The following SPATA31H1 variants were observed in gnomAD, a reference collection of about 807,000 sequenced individuals.
SPATA31H1 encodes spermatogenesis-associated protein 31H1.
the SPATA31H1 span, among the ~76,000 whole-genome samples, chr2:27,539,738 G>A: frequency 3.1e-5 from 2 of 64,990 alleles, no homozygotes; most frequent in Non-Finnish European, 2.7e-5. Flanking sequence ...GGCTGGCCGG[G>A]CGGGGGGCTG....
At chr2:27,566,614 A>G in the SPATA31H1 span, 1 of 581,652 alleles carries the variant, frequency 1.7e-6, no homozygotes, top group Non-Finnish European at 3.1e-6. Context: ...GATGTTGGGG[A>G]AAGAAACTTT....
the SPATA31H1 span, chr2:27,565,324 T>C: frequency 4.2e-6 from 3 of 716,358 alleles, no homozygotes; most frequent in East Asian, 8.1e-5. Context: ...TTTTTCTTTT[T>C]GTGCTTCTCT....
At chr2:27,574,589 T>C in the SPATA31H1 span, 2 of 398,452 alleles carry the variant, frequency 5.0e-6, no homozygotes, top group African/African-American at 4.1e-5. Context: ...GGCTTCAAAG[T>C]ATGAAATCAA....
the SPATA31H1 span, chr2:27,577,778 T>C: frequency 7.4e-6 from 12 of 1,614,160 alleles, no homozygotes; most frequent in Non-Finnish European, 9.3e-6. The surrounding 1 kb of genome is among the most constrained non-coding windows in gnomAD (Gnocchi z 4.5). Flanking sequence ...TCCCAGAATC[T>C]GTAAATCTGA....
chr2:27,549,152 C>T, the SPATA31H1 span, among the ~76,000 whole-genome samples: 88 of 151,140 alleles, frequency 5.8e-4, no homozygotes, highest in South Asian at 2.1e-3. Flanking sequence ...ATTAAATGTC[C>T]GTATTGTCAT....
the SPATA31H1 span, chr2:27,578,065 C>T: frequency 6.2e-7 from 1 of 1,614,142 alleles, no homozygotes; most frequent in Non-Finnish European, 8.5e-7. Flanking sequence ...GTTGCTCAAT[C>T]TGAAGAGGTA....
At chr2:27,565,345 G>A in the SPATA31H1 span, 2 of 717,128 alleles carry the variant, frequency 2.8e-6, no homozygotes, top group Admixed American at 2.0e-5. Flanking sequence ...AGACTTCAAA[G>A]CAGCATAGAT....
the SPATA31H1 span, among the ~76,000 whole-genome samples, chr2:27,544,282 A>T: frequency 6.6e-6 from 1 of 151,984 alleles, no homozygotes; most frequent in African/African-American, 2.4e-5. Flanking sequence ...AAATTTATAT[A>T]CCCATGTAAC....
the SPATA31H1 span, chr2:27,568,228 C>T: frequency 2.5e-6 from 1 of 398,986 alleles, no homozygotes; most frequent in Non-Finnish European, 4.4e-6. Context: ...AAAATGAACA[C>T]ATTGTTGAAC....
the SPATA31H1 span, among the ~76,000 whole-genome samples, chr2:27,554,153 G>A: frequency 6.6e-6 from 1 of 151,950 alleles, no homozygotes; most frequent in African/African-American, 2.4e-5. Flanking sequence ...TGATTACTTA[G>A]ATATTCTCTA....
chr2:27,580,435 A>G, the SPATA31H1 span: 1 of 1,614,184 alleles, frequency 6.2e-7, no homozygotes, highest in South Asian at 1.1e-5. Context: ...GATTCAAAAT[A>G]TCCAATGAAG....
chr2:27,579,131 C>T, the SPATA31H1 span: 2 of 1,614,138 alleles, frequency 1.2e-6, no homozygotes, highest in East Asian at 2.2e-5. Context: ...CTAGGACATT[C>T]CAGGCAGAAT....
chr2:27,580,138 T>C, the SPATA31H1 span: 8 of 1,614,080 alleles, frequency 5.0e-6, no homozygotes, highest in East Asian at 6.7e-5. Flanking sequence ...AGACCCGTCA[T>C]ACGGAGAAGC....
the SPATA31H1 span, chr2:27,580,158 C>T: frequency 5.0e-6 from 8 of 1,614,170 alleles, no homozygotes; most frequent in Non-Finnish European, 6.8e-6. Flanking sequence ...CCCTATATCA[C>T]CATCACAAAG....
At chr2:27,576,789 A>G in the SPATA31H1 span, 14 of 1,613,924 alleles carry the variant, frequency 8.7e-6, no homozygotes, top group Non-Finnish European at 8.5e-6. Flanking sequence ...AAAGTTGCAA[A>G]GCGTAAAACA....
At chr2:27,579,684 T>C in the SPATA31H1 span, 1 of 1,614,188 alleles carries the variant, frequency 6.2e-7, no homozygotes. Flanking sequence ...CAGCATATTT[T>C]ACGATAGAGA....
At chr2:27,581,311 G>C in the SPATA31H1 span, 10 of 1,613,926 alleles carry the variant, frequency 6.2e-6, no homozygotes, top group Non-Finnish European at 8.5e-6. Flanking sequence ...TCCTTGGAGA[G>C]AAGACATCAC....
chr2:27,577,288 C>G, the SPATA31H1 span: 1 of 1,614,072 alleles, frequency 6.2e-7, no homozygotes, highest in African/African-American at 1.3e-5. This position sits in a 1 kb window ranked among gnomAD's most constrained non-coding sequence, Gnocchi z 4.5. Flanking sequence ...GAATTGCTCT[C>G]TCAGTCACGG....
the SPATA31H1 span, chr2:27,576,939 C>T: frequency 6.2e-7 from 1 of 1,614,036 alleles, no homozygotes; most frequent in African/African-American, 1.3e-5. Context: ...TGAACTAATC[C>T]CTAGACCAGG....
Sources: allele counts gnomAD v4.1 joint callset (sites outside exome capture counted in the v4.1 genomes callset), GRCh38; gene constraint gnomAD v4.1.1; non-coding constraint Gnocchi (gnomAD v3.1); transcripts MANE v1.5; gene names NCBI Gene and HGNC (gene_info 2026-07-23, HGNC 2026-07-21).